Variants in HSF4 observed in about 807,000 individuals in gnomAD.
The protein encoded by HSF4 is heat shock transcription factor 4.
In HSF4, 41 loss-of-function variants were observed where a neutral mutation model predicts 52.0. The ratio of observed to expected loss-of-function variants is 0.79; its 90% CI spans 0.61 to 1.02. The LOEUF (loss-of-function observed/expected upper bound fraction) is 1.02, where lower values mean the gene tolerates loss of function less well. Ranked by LOEUF, HSF4 falls within the 50% of genes least tolerant of loss-of-function variation. The pLI, the probability that HSF4 is intolerant of heterozygous loss-of-function variation, is 0.00. For missense variants in HSF4, 610 were observed against 651.1 expected, an observed-to-expected ratio of 0.94 and a Z score of 0.69; for synonymous variants, 285 against 273.0, an observed-to-expected ratio of 1.04 and a Z score of -0.43.
At chr16:67,164,995 A>G in intron 1 of HSF4, 61 bp downstream of exon 1, 1 of 1,492,480 alleles carries the variant, frequency 6.7e-7, no homozygotes, top group South Asian at 1.3e-5. Context: ...GTCAGTGAAC[A>G]CCCATGCCCG....
Position 67,165,862 on chromosome 16 carries a change from G to A in HSF4, c.360+16G>A, listed in dbSNP as rs1360786349. ...GCGGCGCAAGGTGGGGGCGGCCTGC[G>A]GGAATGAGCAAAGAGGAGGAGGGGT... On this transcript the variant is annotated intron_variant, in intron 3 of 12. Coordinates refer to ENST00000521374, the MANE Select transcript of HSF4 (RefSeq NM_001374675.1). This position sits in a 1 kb window ranked among gnomAD's most constrained non-coding sequence, Gnocchi z 6.9. The A allele has an allele frequency of 6.3e-7, 1 of 1,599,942 alleles. No homozygotes were observed. Among genetic ancestry groups the A allele is most frequent in the East Asian group, 2.2e-5 (1 of 44,808 alleles).
Position 67,169,525 on chromosome 16 carries a change from G to T in HSF4, c.1325-106G>T. ...GGGCGAGAGTGGGGAGGTTAAGAATGGATGTTTTATCCTAACTGAGCAGAA... is the reference window on the plus strand; with the variant it reads ...GGGCGAGAGTGGGGAGGTTAAGAATTGATGTTTTATCCTAACTGAGCAGAA... On this transcript the variant is annotated intron_variant, in intron 12 of 12. Coordinates refer to ENST00000521374, the MANE Select transcript of HSF4 (RefSeq NM_001374675.1). The surrounding 1 kb of genome is among the most constrained non-coding windows in gnomAD (Gnocchi z 4.3). 1 of 1,595,832 alleles carries T rather than the reference G, an allele frequency of 6.3e-7. No homozygotes were observed.
At position 67,165,546 on chromosome 16, in the gene HSF4, G is replaced by A; in HGVS notation, c.148G>A (p.Asp50Asn). Residue 50 changes from aspartate (D) to asparagine (N), a missense_variant, in exon 2 of 13, where the codon GAC (aspartate) becomes AAC (asparagine). By Grantham distance (23) the Asp-to-Asn change is conservative. Transcript: ENST00000521374. This position sits in a 1 kb window ranked among gnomAD's most constrained non-coding sequence, Gnocchi z 6.9. ...SPSGTSFLVS[D>N]QSRFAKEVLP... ...GAGCGGGACCAGTTTCCTCGTAAGC[G>A]ACCAGAGCCGTTTCGCCAAGGAAGT... 7 of 1,613,224 alleles carry A rather than the reference G, an allele frequency of 4.3e-6. No homozygotes were observed. Among genetic ancestry groups the A allele is most frequent in the Non-Finnish European group, 5.9e-6 (7 of 1,179,926 alleles).
In HSF4 at chr16:67,164,862, G is replaced by T; in HGVS notation, c.51G>T (p.Val17=). ...ALPTEPGPSP[V]PAFLGKLWAL... ...CCACGGAGCCAGGCCCCAGCCCCGT[G>T]CCTGCCTTCCTCGGCAAGCTATGGG... is the stretch of plus-strand genomic sequence containing the variant. Residue 17 remains valine, a synonymous_variant, in exon 1 of 13, where the codon GTG becomes GTT. Coordinates refer to ENST00000521374, the MANE Select transcript of HSF4 (RefSeq NM_001374675.1). The T allele has an allele frequency of 6.2e-7, 1 of 1,606,546 alleles. No homozygotes were observed.
Position 67,165,593 on chromosome 16 carries a change from T to C in HSF4, c.195T>C (p.His65=), listed in dbSNP as rs2031203646. 3 of 1,613,010 alleles carry C rather than the reference T, an allele frequency of 1.9e-6. No individual in the cohort carries two copies. The highest frequency in any genetic ancestry group is 1.3e-5 in the African/African-American group (1 of 74,898). The change falls in exon 2 of 13, where the codon CAT becomes CAC. Residue 65 remains histidine (H), a synonymous_variant. Coordinates refer to ENST00000521374, the MANE Select transcript of HSF4 (RefSeq NM_001374675.1). The surrounding 1 kb of genome is among the most constrained non-coding windows in gnomAD (Gnocchi z 6.9). ...AAGTGCTGCCCCAGTATTTCAAGCA[T>C]AGCAACATGGCGAGCTTCGTGCGCC... The part of the protein sequence containing the change: ...AKEVLPQYFK[H]SNMASFVRQL...
At chr16:67,166,152 C>T (rs1417929917) in intron 4 of HSF4, 82 bp downstream of exon 4, 1 of 1,441,030 alleles carries the variant, frequency 6.9e-7, no homozygotes, top group East Asian at 2.5e-5. Context: ...CAGTTCTGGG[C>T]AGCCCCTTCC....
Position 67,167,186 on chromosome 16 carries a change from T to C in HSF4, c.693T>C (p.Pro231=), listed in dbSNP as rs369246107. The C allele has an allele frequency of 6.2e-7, 1 of 1,614,082 alleles. No homozygotes were observed. Among genetic ancestry groups the C allele is most frequent in the African/African-American group, 1.3e-5 (1 of 74,942 alleles). The part of the protein sequence containing the change: ...TPAKFNTCPL[P]GALLQDPYFI... The stretch of plus-strand genomic sequence containing the variant: ...CCAAGTTCAACACCTGCCCTCTACC[T>C]GGTGCCCTTCTGCAGGACCCCTACT... Residue 231 remains proline (P), a synonymous_variant, in exon 7 of 13, where the codon CCT becomes CCC. Transcript: ENST00000521374.
chr16:67,167,633 T>TG (rs779513916), intron 8 of HSF4, 34 bp downstream of exon 8: 2 of 1,612,090 alleles, frequency 1.2e-6, no homozygotes, highest in South Asian at 1.1e-5. Flanking sequence ...GAGGGGCCTG[T>TG]GGGGGAGGGC....
chr16:67,166,025 G>T lies in HSF4; in HGVS notation c.440G>T (p.Arg147Leu). The T allele has an allele frequency of 1.3e-6, 2 of 1,535,314 alleles. No individual in the cohort carries two copies. The highest frequency in any genetic ancestry group is 1.7e-6 in the Non-Finnish European group (2 of 1,147,682). ...CTACTGGGCGAGGTGCAGGCTTTGC[G>T]GGGAGTGCAGGAGAGCACCGAGGCG... ...GRLLGEVQAL[R>L]GVQESTEARL... Residue 147 changes from arginine (R) to leucine (L), a missense_variant, in exon 4 of 13, where the codon CGG becomes CTG. Physicochemically the swap from Arg to Leu is moderately radical, Grantham distance 102. Coordinates refer to ENST00000521374, the MANE Select transcript of HSF4 (RefSeq NM_001374675.1).
upstream of HSF4, chr16:67,163,902 G>A (rs993979498): frequency 6.6e-7 from 1 of 1,523,024 alleles, no homozygotes; most frequent in Non-Finnish European, 8.8e-7. Context: ...CGCCCCGAGT[G>A]CTAGTGCCTT....
intron 6 of HSF4, among the ~76,000 whole-genome samples, 161 bp downstream of exon 6, chr16:67,166,783 A>G (rs1297141839): frequency 2.7e-5 from 4 of 148,868 alleles, no homozygotes; most frequent in South Asian, 2.2e-4. Context: ...CTTCCCCCCA[A>G]CTCTGCCACC....
rs2031626677 is a variant in HSF4, at chr16:67,169,856, C to T, written c.*71C>T. On this transcript the variant is annotated 3_prime_UTR_variant, in exon 13 of 13. Coordinates refer to ENST00000521374, the MANE Select transcript of HSF4 (RefSeq NM_001374675.1). This position sits in a 1 kb window ranked among gnomAD's most constrained non-coding sequence, Gnocchi z 4.3. ...ATCCTTCTTGGCTTCCTGGCGCCCC[C>T]TATCGGGGGTGAGCGAAGCCCCCAC... The T allele has an allele frequency of 1.9e-6, 3 of 1,572,100 alleles. No individual in the cohort carries two copies. Among genetic ancestry groups the T allele is most frequent in the Non-Finnish European group, 2.6e-6 (3 of 1,144,390 alleles).
In HSF4 at chr16:67,169,432, T is replaced by G; in HGVS notation, c.1324+84T>G. 1 of 1,572,718 alleles carries G rather than the reference T, an allele frequency of 6.4e-7. No homozygotes were observed. The highest frequency in any genetic ancestry group is 8.6e-7 in the Non-Finnish European group (1 of 1,159,212). On this transcript the variant is annotated intron_variant, in intron 12 of 12. Transcript: ENST00000521374. This position sits in a 1 kb window ranked among gnomAD's most constrained non-coding sequence, Gnocchi z 4.3. ...ATTGAGTGAGGGGGCAATCTGCAAT[T>G]TGCAGGGAAATCCTGAGTTCAGGCT... is the stretch of plus-strand genomic sequence containing the variant.
upstream of HSF4, chr16:67,164,443 C>G (rs973700596): frequency 1.9e-4 from 93 of 498,466 alleles, no homozygotes; most frequent in Non-Finnish European, 3.0e-4. Flanking sequence ...CCTTCTAGGA[C>G]TTGCCCAGCC....
Position 67,169,904 on chromosome 16 carries a change from A to G in HSF4, c.*119A>G, listed in dbSNP as rs1325160025. On this transcript the variant is annotated 3_prime_UTR_variant, in exon 13 of 13. Transcript: ENST00000521374. The surrounding 1 kb of genome is among the most constrained non-coding windows in gnomAD (Gnocchi z 4.3). ...CACTACTAAATGGCCTCTCTCCACT[A>G]CCCCGACTATCCCTGCACATAAACT... 1 of 966,060 alleles carries G rather than the reference A, an allele frequency of 1.0e-6. No homozygotes were observed. The highest frequency in any genetic ancestry group is 1.6e-6 in the Non-Finnish European group (1 of 618,740). 59.8% of individuals were successfully genotyped at this position (966,060 alleles called of 1,614,324 possible).
At position 67,166,381 on chromosome 16, in the gene HSF4, C is replaced by A. The variant is rs371071221; in HGVS notation, c.547C>A (p.Arg183=). 1 of 1,609,746 alleles carries A rather than the reference C, an allele frequency of 6.2e-7. No homozygotes were observed. Among genetic ancestry groups the A allele is most frequent in the Admixed American group, 1.7e-5 (1 of 59,548 alleles). Residue 183 remains arginine, a synonymous_variant, in exon 5 of 13, where the codon CGG becomes AGG. Coordinates refer to ENST00000521374, the MANE Select transcript of HSF4 (RefSeq NM_001374675.1). Reference sequence around the variant, plus strand: ...TCGGCAGAGCCACGGTCAGCAGCACCGGGTCATTGGCAAGGTGTTCCTCTC... The same window carrying A: ...TCGGCAGAGCCACGGTCAGCAGCACAGGGTCATTGGCAAGGTGTTCCTCTC... ...TLRQSHGQQH[R]VIGKLIQCLF...
rs1378829338 is a variant in HSF4, at chr16:67,167,517, A to C, written c.772A>C (p.Arg258=). ...TTTGGGCCTTAGCCCTCACAGGGCC[A>C]GGGGCCCCATCATCTCTGACATCCC... is the stretch of plus-strand genomic sequence containing the variant. ...TNLGLSPHRA[R]GPIISDIPED... The change falls in exon 8 of 13, where the codon AGG becomes CGG. Residue 258 remains arginine, a synonymous_variant. Coordinates refer to ENST00000521374, the MANE Select transcript of HSF4 (RefSeq NM_001374675.1). 6.2e-7 allele frequency: 1 copy of C among 1,613,548 alleles called. No homozygotes were observed. Among genetic ancestry groups the C allele is most frequent in the Non-Finnish European group, 8.5e-7 (1 of 1,179,902 alleles).
At chr16:67,167,630 C>T in intron 8 of HSF4, 31 bp downstream of exon 8, 2 of 1,612,534 alleles carry the variant, frequency 1.2e-6, no homozygotes, top group Non-Finnish European at 1.7e-6. Flanking sequence ...CCTGAGGGGC[C>T]TGTGGGGGAG....
chr16:67,166,122 G>A, intron 4 of HSF4, 52 bp downstream of exon 4: 1 of 1,502,904 alleles, frequency 6.7e-7, no homozygotes, highest in Non-Finnish European at 8.9e-7. Flanking sequence ...TTCGGGATGA[G>A]ACCATAACTG....
Sources: gnomAD v4.1 joint callset for allele counts (sites outside exome capture counted in the v4.1 genomes callset) on GRCh38, gnomAD v4.1.1 for gene constraint, Gnocchi (gnomAD v3.1) non-coding constraint, MANE v1.5 for transcripts, NCBI Gene and HGNC (gene_info 2026-07-23, HGNC 2026-07-21) for gene names.